The following RYR2 variants were observed in gnomAD, a reference collection of about 807,000 sequenced individuals.
The protein encoded by RYR2 is cardiac muscle ryanodine receptor-calcium release channel.
RYR2 carries 227 observed loss-of-function variants against 601.1 expected under a neutral mutation model. That is an observed-to-expected ratio of 0.38 (90% CI 0.34 to 0.42). The LOEUF (loss-of-function observed/expected upper bound fraction) is 0.42, where lower values mean the gene tolerates loss of function less well. Ranked by LOEUF, RYR2 falls within the 10% of genes least tolerant of loss-of-function variation. RYR2 has a pLI of 1.00. For synonymous variants in RYR2, 2,223 were observed against 2,175.1 expected, an observed-to-expected ratio of 1.02 and a Z score of -0.61; for missense variants, 4,646 against 6,156.5, an observed-to-expected ratio of 0.75 and a Z score of 8.21.
chr1:237,722,496 C>G (rs554102523), intron 73 of RYR2, among the ~76,000 whole-genome samples: 2 of 150,614 alleles, frequency 1.3e-5, no homozygotes, highest in African/African-American at 2.4e-5. Flanking sequence ...TGCAGTGGCG[C>G]GATCTCGGCT....
At position 237,504,756 on chromosome 1, in the gene RYR2, G is replaced by A. The variant is rs145191078; in HGVS notation, c.2613+1251G>A. Among the ~76,000 whole-genome samples, 688 of 152,310 alleles carry A rather than the reference G, an allele frequency of 4.5e-3. 17 individuals are homozygous for A. The East Asian group carries it at 0.062, about 14-fold the overall frequency. ...AGATGTGACACACACCGATCTTAGA[G>A]TGTAGTTCTTAAGCCCCCAACCTTT... On this transcript the variant is annotated intron_variant, in intron 22 of 104. Transcript: ENST00000366574.
intron 1 of RYR2, among the ~76,000 whole-genome samples, chr1:237,122,995 C>A: frequency 6.6e-6 from 1 of 152,272 alleles, no homozygotes; most frequent in Non-Finnish European, 1.5e-5. Flanking sequence ...ATATAGTTAG[C>A]AAATGTAAAG....
At chr1:237,295,347 C>T (rs1692649982) in intron 2 of RYR2, among the ~76,000 whole-genome samples, 1 of 151,842 alleles carries the variant, frequency 6.6e-6, no homozygotes. Flanking sequence ...GATCATAATG[C>T]AGTGAAAAAT....
At chr1:237,617,153 C>G (rs1392242439) in intron 37 of RYR2, 133 bp from the exon 38 acceptor site, 2 of 833,216 alleles carry the variant, frequency 2.4e-6, no homozygotes, top group Non-Finnish European at 3.7e-6. Context: ...ACATTGCTGC[C>G]TATACAAAAT....
At chr1:237,687,687 G>A (rs1320645966) in intron 63 of RYR2, among the ~76,000 whole-genome samples, 183 bp downstream of exon 63, 1 of 152,110 alleles carries the variant, frequency 6.6e-6, no homozygotes, top group Non-Finnish European at 1.5e-5. Flanking sequence ...TGGTGAAATT[G>A]AGGACTCTAT....
At position 237,452,391 on chromosome 1, in the gene RYR2, AC is replaced by A. The variant is rs542526671; in HGVS notation, c.1293-1999del. On this transcript the variant is annotated intron_variant, in intron 14 of 104. Transcript: ENST00000366574. ...ATTATATATGTAAAGTATATATTAT[AC>A]ATTATATAATATAGTATAAACTATA... is the stretch of plus-strand genomic sequence containing the variant. 4.1e-3 allele frequency among the ~76,000 whole-genome samples: 600 copies of A among 146,492 alleles called. 2 individuals carry two copies. Among genetic ancestry groups the A allele is most frequent in the Non-Finnish European group, 6.8e-3 (456 of 66,878 alleles).
chr1:237,061,904 G>T (rs559761437), intron 1 of RYR2, among the ~76,000 whole-genome samples: 2 of 152,090 alleles, frequency 1.3e-5, no homozygotes, highest in South Asian at 4.2e-4. Context: ...TGTGCTCTTA[G>T]AATTGATATT....
chr1:237,529,795 A>G (rs1472279360), intron 24 of RYR2, among the ~76,000 whole-genome samples: 1 of 149,748 alleles, frequency 6.7e-6, no homozygotes, highest in Non-Finnish European at 1.5e-5. Flanking sequence ...ACACACACAC[A>G]CACCACGTAT....
At chr1:237,161,741 G>A (rs768067164) in intron 1 of RYR2, among the ~76,000 whole-genome samples, 1 of 152,128 alleles carries the variant, frequency 6.6e-6, no homozygotes, top group Non-Finnish European at 1.5e-5. Flanking sequence ...AAGATACTAT[G>A]TGCTGATGAT....
intron 4 of RYR2, among the ~76,000 whole-genome samples, chr1:237,359,926 GA>G (rs1699634776): frequency 6.6e-6 from 1 of 152,204 alleles, no homozygotes; most frequent in Admixed American, 6.5e-5. Flanking sequence ...GTGGGGTGAA[GA>G]AAGCAAAAGG....
At chr1:237,442,149 T>A (rs1707964158) in intron 13 of RYR2, among the ~76,000 whole-genome samples, 1 of 152,204 alleles carries the variant, frequency 6.6e-6, no homozygotes, top group African/African-American at 2.4e-5. Flanking sequence ...TTTGCAGAAT[T>A]ATGAGCCAGG....
chr1:237,350,750 A>C (rs893795147), intron 3 of RYR2, among the ~76,000 whole-genome samples: 2 of 151,130 alleles, frequency 1.3e-5, no homozygotes, highest in Admixed American at 6.6e-5. Context: ...CTGAATTTAC[A>C]TGAATCTAAT....
At chr1:237,526,152 C>T (rs1667571810) in intron 24 of RYR2, among the ~76,000 whole-genome samples, 1 of 152,140 alleles carries the variant, frequency 6.6e-6, no homozygotes, top group South Asian at 2.1e-4. Context: ...GTATAAGCTA[C>T]ATCCTCACCC....
At chr1:237,505,644 A>G (rs901884654) in intron 22 of RYR2, among the ~76,000 whole-genome samples, 6 of 152,218 alleles carry the variant, frequency 3.9e-5, no homozygotes, top group Non-Finnish European at 5.9e-5. Context: ...AGATGACATC[A>G]TGGTAGAAAC....
intron 12 of RYR2, among the ~76,000 whole-genome samples, chr1:237,430,296 T>C (rs912540148): frequency 1.3e-5 from 2 of 151,430 alleles, no homozygotes; most frequent in East Asian, 1.9e-4. Context: ...TGGAAAAATA[T>C]CCATGAAAAT....
At chr1:237,806,898 T>C (rs906186987) in intron 99 of RYR2, among the ~76,000 whole-genome samples, 4 of 152,230 alleles carry the variant, frequency 2.6e-5, no homozygotes, top group Non-Finnish European at 5.9e-5. Flanking sequence ...CCCATTATCC[T>C]GAAGCATATT....
At chr1:237,653,965 C>A (rs753397384) in intron 51 of RYR2, among the ~76,000 whole-genome samples, 1 of 152,174 alleles carries the variant, frequency 6.6e-6, no homozygotes, top group Non-Finnish European at 1.5e-5. Context: ...GGTGCCCACC[C>A]AGATTGAGAA....
At chr1:237,113,193 T>TTTTTAA (rs1283889279) in intron 1 of RYR2, among the ~76,000 whole-genome samples, 1 of 150,994 alleles carries the variant, frequency 6.6e-6, no homozygotes, top group East Asian at 1.9e-4. Context: ...TTTTATTTTA[T>TTTTTAA]TTTTATTTTT....
intron 85 of RYR2, among the ~76,000 whole-genome samples, chr1:237,771,570 A>C (rs1694277171): frequency 6.6e-6 from 1 of 152,170 alleles, no homozygotes; most frequent in Admixed American, 6.5e-5. Flanking sequence ...TTGTTTACAC[A>C]TCTAACTCTC....
Sources: gnomAD v4.1 joint callset for allele counts (sites outside exome capture counted in the v4.1 genomes callset) on GRCh38, gnomAD v4.1.1 for gene constraint, MANE v1.5 for transcripts, NCBI Gene and HGNC (gene_info 2026-07-23, HGNC 2026-07-21) for gene names.